NCKAP5: variants seen among roughly 807,000 people sequenced by gnomAD.
NCKAP5 encodes nck-associated protein 5.
A neutral mutation model predicts 167.0 loss-of-function variants in NCKAP5; 92 were observed. That is an observed-to-expected ratio of 0.55 (90% CI 0.47 to 0.66). The LOEUF is 0.66. Among genes scored for constraint, NCKAP5 ranks in the 30% least tolerant of loss-of-function variants. The pLI is 0.00. For synonymous variants in NCKAP5, 891 were observed against 877.4 expected (o/e 1.02, Z -0.27); for missense variants, 2,378 against 2,315.0 (o/e 1.03, Z -0.56).
At chr2:133,156,550 T>C (rs936483278) in intron 5 of NCKAP5, among the ~76,000 whole-genome samples, 1 of 152,136 alleles carries the variant, frequency 6.6e-6, no homozygotes, top group Admixed American at 6.5e-5. Context: ...CAAATTCCAG[T>C]TTCTTTCCCT....
In NCKAP5 at chr2:133,189,462, C is replaced by T. The variant is rs964184611; in HGVS notation, c.207+24254G>A. Among the ~76,000 whole-genome samples the T allele has an allele frequency of 1.1e-4, 17 of 152,208 alleles. No homozygotes were observed. The South Asian group carries it at 3.5e-3, about 32-fold the overall frequency. Reference sequence around the variant, plus strand: ...GGCCAGCATCATCCTGACACCAAAGCCTGGCAGAGACACAACAAAAAAAGA... The same window carrying T: ...GGCCAGCATCATCCTGACACCAAAGTCTGGCAGAGACACAACAAAAAAAGA... On this transcript the variant is annotated intron_variant, in intron 5 of 19. Transcript: ENST00000409261.
At chr2:133,038,202 G>T (rs538873584) in intron 6 of NCKAP5, among the ~76,000 whole-genome samples, 2 of 152,250 alleles carry the variant, frequency 1.3e-5, no homozygotes, top group African/African-American at 4.8e-5. Context: ...TAATAGCTAA[G>T]ATTTGGAAGG....
At chr2:133,205,265 C>G (rs1229449764) in intron 5 of NCKAP5, among the ~76,000 whole-genome samples, 1 of 144,518 alleles carries the variant, frequency 6.9e-6, no homozygotes, top group East Asian at 2.0e-4. Flanking sequence ...GCACTCCAGT[C>G]TGGGTAACAC....
chr2:132,795,751 G>A (rs1269808803), intron 12 of NCKAP5, among the ~76,000 whole-genome samples: 2 of 150,542 alleles, frequency 1.3e-5, no homozygotes, highest in Non-Finnish European at 3.0e-5. Flanking sequence ...CCCAGGAGGT[G>A]GAGGTTGCAG....
chr2:132,901,751 A>G (rs1693644487), intron 8 of NCKAP5, among the ~76,000 whole-genome samples: 1 of 152,230 alleles, frequency 6.6e-6, no homozygotes, highest in Non-Finnish European at 1.5e-5. Context: ...GACTATAGAA[A>G]GAATTTATTT....
chr2:132,811,190 T>C (rs1685835457), intron 11 of NCKAP5, among the ~76,000 whole-genome samples: 1 of 152,196 alleles, frequency 6.6e-6, no homozygotes, highest in Non-Finnish European at 1.5e-5. Flanking sequence ...TGCAGTGGAC[T>C]CCATGAGGGT....
At chr2:133,126,962 A>G (rs555595378) in intron 6 of NCKAP5, among the ~76,000 whole-genome samples, 1 of 152,250 alleles carries the variant, frequency 6.6e-6, no homozygotes, top group East Asian at 1.9e-4. Flanking sequence ...TTATTAGCTT[A>G]GTTTTTAAAA....
intron 8 of NCKAP5, chr2:132,931,368 C>T (rs994591285): frequency 6.6e-6 from 1 of 152,234 alleles, no homozygotes; most frequent in Non-Finnish European, 1.5e-5. Context: ...AATTTCTGTA[C>T]GTCACTTCCC....
chr2:132,861,463 T>C (rs1006304513), intron 10 of NCKAP5, among the ~76,000 whole-genome samples: 1 of 151,576 alleles, frequency 6.6e-6, no homozygotes, highest in African/African-American at 2.4e-5. Flanking sequence ...GACCCTTTTC[T>C]GCATTTCAAA....
At chr2:133,575,668 T>A in the NCKAP5 span, among the ~76,000 whole-genome samples, 1 of 152,320 alleles carries the variant, frequency 6.6e-6, no homozygotes, top group South Asian at 2.1e-4. Flanking sequence ...TCCATTCGGT[T>A]CCATAAACAG....
At chr2:132,874,292 T>C (rs1042796064) in intron 9 of NCKAP5, among the ~76,000 whole-genome samples, 2 of 151,588 alleles carry the variant, frequency 1.3e-5, no homozygotes, top group African/African-American at 4.9e-5. Context: ...GTATTTTTAG[T>C]AGAGACGAGG....
At chr2:132,959,250 A>G (rs2076436993) in intron 8 of NCKAP5, among the ~76,000 whole-genome samples, 2 of 152,116 alleles carry the variant, frequency 1.3e-5, no homozygotes, top group African/African-American at 4.8e-5. Context: ...TCATCATTTC[A>G]TGGAAAGGTA....
At chr2:133,446,596 G>A (rs982258165) in intron 3 of NCKAP5, among the ~76,000 whole-genome samples, 12 of 152,288 alleles carry the variant, frequency 7.9e-5, no homozygotes, top group South Asian at 2.1e-4. Context: ...CCCAGAAGTC[G>A]TGTGTATGAG....
At chr2:133,105,773 G>A (rs1246817086) in intron 6 of NCKAP5, among the ~76,000 whole-genome samples, 1 of 152,192 alleles carries the variant, frequency 6.6e-6, no homozygotes, top group Non-Finnish European at 1.5e-5. Flanking sequence ...GGGTCTGAAG[G>A]AAGCATTTAA....
intron 16 of NCKAP5, among the ~76,000 whole-genome samples, chr2:132,754,235 CCT>C (rs1273566609): frequency 2.6e-5 from 4 of 152,078 alleles, no homozygotes; most frequent in African/African-American, 9.7e-5. Context: ...TCTGACTTCC[CCT>C]ATCGATCTTT....
chr2:132,961,925 A>C (rs577146035), intron 8 of NCKAP5, among the ~76,000 whole-genome samples: 6 of 152,356 alleles, frequency 3.9e-5, no homozygotes, highest in African/African-American at 1.2e-4. Flanking sequence ...TTAAAACTCA[A>C]ATAGGAACCT....
intron 19 of NCKAP5, among the ~76,000 whole-genome samples, chr2:132,681,346 C>CTTTTTTTTT (rs772868601): frequency 7.1e-6 from 1 of 141,078 alleles, no homozygotes; most frequent in Non-Finnish European, 1.5e-5. Flanking sequence ...ACTGATTAGC[C>CTTTTTTTTT]TTTTTTTTTT....
intron 6 of NCKAP5, among the ~76,000 whole-genome samples, chr2:132,995,179 T>C (rs1328137726): frequency 6.6e-6 from 1 of 152,136 alleles, no homozygotes; most frequent in East Asian, 1.9e-4. Context: ...CTATAAAAAA[T>C]ATTTTTCTTT....
At chr2:132,711,725 C>T (rs1045020136) in intron 19 of NCKAP5, among the ~76,000 whole-genome samples, 3 of 152,120 alleles carry the variant, frequency 2.0e-5, no homozygotes, top group Non-Finnish European at 4.4e-5. Context: ...CCCTCCTTTT[C>T]CCTCCCTCAC....
Sources: allele counts gnomAD v4.1 joint callset (sites outside exome capture counted in the v4.1 genomes callset), GRCh38; gene constraint gnomAD v4.1.1; transcripts MANE v1.5; gene names NCBI Gene and HGNC (gene_info 2026-07-23, HGNC 2026-07-21).